The following MCC variants were observed in gnomAD, a reference collection of about 807,000 sequenced individuals.
The protein encoded by MCC is MCC regulator of Wnt signaling pathway.
A neutral mutation model predicts 116.2 loss-of-function variants in MCC; 90 were observed. That is an observed-to-expected ratio of 0.77 (90% CI 0.65 to 0.92). MCC has a LOEUF of 0.92. Ranked by LOEUF, MCC falls within the 40% of genes least tolerant of loss-of-function variation. The pLI is 0.00. For synonymous variants in MCC, 578 were observed against 510.5 expected (o/e 1.13, Z -1.78); for missense variants, 1,516 against 1,312.2 (o/e 1.16, Z -2.40).
At chr5:113,280,229 A>G (rs1320644823) in intron 3 of MCC, among the ~76,000 whole-genome samples, 2 of 152,232 alleles carry the variant, frequency 1.3e-5, no homozygotes, top group Non-Finnish European at 2.9e-5. Context: ...GGCGAGCTGT[A>G]GCCCAGATCC....
At chr5:113,133,005 T>C (rs1300179188) in intron 5 of MCC, among the ~76,000 whole-genome samples, 1 of 147,712 alleles carries the variant, frequency 6.8e-6, no homozygotes, top group Non-Finnish European at 1.5e-5. Flanking sequence ...TATAACTTTC[T>C]TTTTTTTTTG....
intron 3 of MCC, among the ~76,000 whole-genome samples, chr5:113,159,141 T>A (rs879928942): frequency 6.6e-6 from 1 of 152,178 alleles, no homozygotes; most frequent in Non-Finnish European, 1.5e-5. Context: ...CTCTTTGTCC[T>A]TTCTGTGCTT....
intron 1 of MCC, among the ~76,000 whole-genome samples, chr5:113,423,812 G>C (rs1167823755): frequency 6.6e-6 from 1 of 152,140 alleles, no homozygotes; most frequent in African/African-American, 2.4e-5. Context: ...ATTTTCTATA[G>C]TGGCTGATCC....
chr5:113,288,222 C>G (rs995635646), intron 3 of MCC, among the ~76,000 whole-genome samples: 6 of 152,224 alleles, frequency 3.9e-5, no homozygotes, highest in African/African-American at 9.6e-5. Context: ...TCTCCCCAAG[C>G]CTCGGCACTC....
rs369061105 is a variant in MCC, at chr5:113,034,713, C to A, written c.2757-5657G>T. Among the ~76,000 whole-genome samples, 62 of 152,328 alleles carry A rather than the reference C, an allele frequency of 4.1e-4. 2 individuals are homozygous for A. In the South Asian group the frequency reaches 0.012, roughly 28 times the overall value. On this transcript the variant is annotated intron_variant, in intron 17 of 18. Transcript: ENST00000408903. ...CCTCACCTTCCATTTACTTTTAACCCGTCAGGCTCTGTCTCCACTGACGTG... is the reference window on the plus strand; with the variant it reads ...CCTCACCTTCCATTTACTTTTAACCAGTCAGGCTCTGTCTCCACTGACGTG...
At chr5:113,116,002 G>C (rs1010730736) in intron 6 of MCC, among the ~76,000 whole-genome samples, 97 of 152,088 alleles carry the variant, frequency 6.4e-4, no homozygotes, top group Non-Finnish European at 3.7e-4. Context: ...TGTCATCACT[G>C]ACCACAGCCC....
intron 3 of MCC, among the ~76,000 whole-genome samples, chr5:113,212,124 ATAAC>A (rs1013198900): frequency 2.6e-5 from 4 of 152,228 alleles, no homozygotes; most frequent in Admixed American, 2.6e-4. Flanking sequence ...TGGCTGTTTG[ATAAC>A]TAACATTCCA....
intron 6 of MCC, among the ~76,000 whole-genome samples, chr5:113,117,960 A>C (rs1447631258): frequency 6.6e-6 from 1 of 152,238 alleles, no homozygotes; most frequent in Admixed American, 6.5e-5. Flanking sequence ...AGCAAATGAC[A>C]TCAACCACTG....
At chr5:113,427,547 T>G (rs1770516506) in intron 1 of MCC, among the ~76,000 whole-genome samples, 1 of 152,350 alleles carries the variant, frequency 6.6e-6, no homozygotes, top group Admixed American at 6.5e-5. Flanking sequence ...TAAACTAACA[T>G]GCACAAGTGG....
At chr5:113,135,006 A>G (rs1217816097) in intron 5 of MCC, among the ~76,000 whole-genome samples, 1 of 147,318 alleles carries the variant, frequency 6.8e-6, no homozygotes, top group Non-Finnish European at 1.5e-5. Context: ...CAGTGGCCCG[A>G]TCTCAGCTCA....
chr5:113,316,353 TA>T (rs1263530823), intron 3 of MCC, among the ~76,000 whole-genome samples: 5 of 152,172 alleles, frequency 3.3e-5, no homozygotes, highest in African/African-American at 1.2e-4. Context: ...TAATATTGCT[TA>T]AGACCCTTTG....
intron 3 of MCC, among the ~76,000 whole-genome samples, chr5:113,177,673 AT>A (rs1472575756): frequency 1.3e-5 from 2 of 152,356 alleles, no homozygotes; most frequent in East Asian, 3.9e-4. Flanking sequence ...TAGCAATTAG[AT>A]TTCTTCATGA....
chr5:113,372,132 A>G (rs1279319919), intron 2 of MCC, among the ~76,000 whole-genome samples: 1 of 152,248 alleles, frequency 6.6e-6, no homozygotes, highest in African/African-American at 2.4e-5. Context: ...GATATGATCA[A>G]CACAGGTAAT....
intron 1 of MCC, among the ~76,000 whole-genome samples, chr5:113,443,382 T>C (rs1209173884): frequency 3.9e-5 from 6 of 152,224 alleles, no homozygotes; most frequent in African/African-American, 1.4e-4. Context: ...CTTATCAGCT[T>C]AAGGAGATTT....
At chr5:113,284,949 C>T (rs1766188881) in intron 3 of MCC, among the ~76,000 whole-genome samples, 1 of 152,144 alleles carries the variant, frequency 6.6e-6, no homozygotes, top group African/African-American at 2.4e-5. Flanking sequence ...CAAAACCCAC[C>T]TATATTATAC....
intron 11 of MCC, among the ~76,000 whole-genome samples, chr5:113,076,227 A>C (rs1378246207): frequency 6.6e-6 from 1 of 152,224 alleles, no homozygotes; most frequent in African/African-American, 2.4e-5. Flanking sequence ...CAAGCTGGAA[A>C]GCACTCTGCA....
At chr5:113,402,758 T>A (rs1769728505) in intron 1 of MCC, among the ~76,000 whole-genome samples, 1 of 152,134 alleles carries the variant, frequency 6.6e-6, no homozygotes, top group African/African-American at 2.4e-5. Context: ...GGAGATTTAA[T>A]GCAGCATAGG....
chr5:113,219,537 G>A (rs999347830), intron 3 of MCC, among the ~76,000 whole-genome samples: 2 of 152,160 alleles, frequency 1.3e-5, no homozygotes, highest in African/African-American at 4.8e-5. Context: ...AGATGATTTT[G>A]TATTACGTTA....
chr5:113,263,463 T>C (rs1416769432), intron 3 of MCC, among the ~76,000 whole-genome samples: 3 of 152,208 alleles, frequency 2.0e-5, no homozygotes, highest in East Asian at 1.9e-4. Context: ...AAGAGTTCAA[T>C]GTAACAAACT....
Sources: gnomAD v4.1 joint callset for allele counts (sites outside exome capture counted in the v4.1 genomes callset) on GRCh38, gnomAD v4.1.1 for gene constraint, MANE v1.5 for transcripts, NCBI Gene and HGNC (gene_info 2026-07-23, HGNC 2026-07-21) for gene names.